Variants in FBN1 observed in about 807,000 individuals in gnomAD.
The protein encoded by FBN1 is fibrillin-1.
Under a neutral mutation model 365.1 loss-of-function variants are expected in FBN1, and 29 were observed. The observed-to-expected ratio is 0.08, with a 90% CI of 0.06 to 0.11. The LOEUF is 0.11. Ranked by LOEUF, FBN1 falls within the 10% of genes least tolerant of loss-of-function variation. The probability of loss-of-function intolerance (pLI) is 1.00; values close to 1 mark genes in which losing one functional copy is unlikely to be tolerated. For synonymous variants in FBN1, 1,210 were observed against 1,270.5 expected, an observed-to-expected ratio of 0.95 and a Z score of 1.01; for missense variants, 2,476 against 3,703.2, an observed-to-expected ratio of 0.67 and a Z score of 8.60.
intron 5 of FBN1, among the ~76,000 whole-genome samples, chr15:48,599,050 C>T (rs908400432): frequency 6.6e-6 from 1 of 152,188 alleles, no homozygotes; most frequent in Non-Finnish European, 1.5e-5. Flanking sequence ...GAAGCCTCCC[C>T]AGCCATGTGG....
At chr15:48,484,971 T>C (rs1262294749) in intron 30 of FBN1, among the ~76,000 whole-genome samples, 1 of 152,214 alleles carries the variant, frequency 6.6e-6, no homozygotes, top group East Asian at 1.9e-4. Context: ...TAGTTTCTGA[T>C]ACGGTAGATC....
chr15:48,437,611 C>A, intron 51 of FBN1, 157 bp downstream of exon 51: 2 of 910,070 alleles, frequency 2.2e-6, no homozygotes, highest in Admixed American at 2.3e-5. Flanking sequence ...AAAATAACTA[C>A]CAAGCTCCTG....
rs748551052 is a variant in FBN1 at position 48,470,734 on chromosome 15, C to T, written c.4359G>A (p.Pro1453=). The change falls in exon 36 of 66, where the codon CCG becomes CCA. Residue 1453 remains proline, a synonymous_variant. Transcript: ENST00000316623. ...GGCAAGTTCCAAAGACACAGATGTT[C>T]GGAAGGGAGCACTCATCAATATCTT... The part of the protein sequence containing the change: ...ACEDIDECSL[P]NICVFGTCHN... 21 of 1,613,622 alleles carry T rather than the reference C, an allele frequency of 1.3e-5. No homozygotes were observed. The highest frequency in any genetic ancestry group is 5.0e-5 in the Admixed American group (3 of 59,934).
At chr15:48,434,287 G>GAGAGTA (rs879908770) in intron 54 of FBN1, among the ~76,000 whole-genome samples, 2 of 152,174 alleles carry the variant, frequency 1.3e-5, no homozygotes, top group Non-Finnish European at 2.9e-5. Context: ...AGGAGAAAGT[G>GAGAGTA]AGAGTAAGAA....
At chr15:48,609,860 T>C (rs776830026) in intron 4 of FBN1, among the ~76,000 whole-genome samples, 55 of 152,362 alleles carry the variant, frequency 3.6e-4, no homozygotes, top group Admixed American at 1.6e-3. Context: ...CACACTCAAA[T>C]GTTCAGACTC....
chr15:48,502,092 T>C (rs1024605183), intron 17 of FBN1, among the ~76,000 whole-genome samples: 8 of 152,172 alleles, frequency 5.3e-5, no homozygotes, highest in African/African-American at 1.9e-4. Context: ...ACAGTGGTGC[T>C]ATCTTGGCTC....
Position 48,616,739 on chromosome 15 carries a change from C to T in FBN1, c.165-3647G>A, listed in dbSNP as rs184320667. On this transcript the variant is annotated intron_variant, in intron 2 of 65. Coordinates refer to ENST00000316623, the MANE Select transcript of FBN1 (RefSeq NM_000138.5). ...AACCCCCATCACTCCAACACACACA[C>T]ACAAAGTCGGATTTAAAGCTCTGTG... 5.3e-5 allele frequency among the ~76,000 whole-genome samples: 8 copies of T among 152,304 alleles called. No individual in the cohort carries two copies. The East Asian group carries it at 1.5e-3, about 29-fold the overall frequency.
intron 43 of FBN1, 91 bp downstream of exon 43, chr15:48,460,155 T>G: frequency 2.2e-6 from 2 of 900,444 alleles, no homozygotes. Flanking sequence ...TTAATATTTT[T>G]TTTCCTTTAA....
chr15:48,610,290 C>T (rs188980267), intron 4 of FBN1, among the ~76,000 whole-genome samples: 1 of 152,324 alleles, frequency 6.6e-6, no homozygotes, highest in Admixed American at 6.5e-5. Flanking sequence ...TGACTTCTTA[C>T]ATTTTCTTCT....
chr15:48,607,094 T>G (rs1252972451), intron 4 of FBN1, among the ~76,000 whole-genome samples: 1 of 152,096 alleles, frequency 6.6e-6, no homozygotes, highest in Non-Finnish European at 1.5e-5. Context: ...TTATCCAGTC[T>G]GTGGTATACT....
intron 32 of FBN1, among the ~76,000 whole-genome samples, chr15:48,475,009 A>AACTCCAT (rs201949071): frequency 0.016 from 2,461 of 152,258 alleles, 75 homozygotes; most frequent in African/African-American, 0.057. Context: ...TATTTTTAGT[A>AACTCCAT]AGTCAACTAT....
At chr15:48,453,962 A>T (rs2043221068) in intron 44 of FBN1, among the ~76,000 whole-genome samples, 1 of 152,236 alleles carries the variant, frequency 6.6e-6, no homozygotes, top group Admixed American at 6.5e-5. Context: ...ACATCTAAAA[A>T]AAAGTCATGA....
At chr15:48,489,549 A>G (rs2043538064) in intron 25 of FBN1, among the ~76,000 whole-genome samples, 1 of 152,168 alleles carries the variant, frequency 6.6e-6, no homozygotes, top group Non-Finnish European at 1.5e-5. Flanking sequence ...TCAGCAATGA[A>G]TTACCATAGC....
chr15:48,463,834 G>A (rs1346770433), intron 41 of FBN1, 65 bp downstream of exon 41: 1 of 1,529,906 alleles, frequency 6.5e-7, no homozygotes, highest in East Asian at 2.4e-5. Context: ...TGATGAACTT[G>A]TGAGCTCTCT....
chr15:48,473,586 C>T (rs2043394837), intron 34 of FBN1, among the ~76,000 whole-genome samples: 1 of 151,966 alleles, frequency 6.6e-6, no homozygotes, highest in Non-Finnish European at 1.5e-5. Context: ...TATATTATTG[C>T]AAAACTGGAA....
chr15:48,482,185 G>A (rs1375466213), intron 31 of FBN1, among the ~76,000 whole-genome samples: 1 of 152,166 alleles, frequency 6.6e-6, no homozygotes, highest in Non-Finnish European at 1.5e-5. Context: ...TTGTCTTAGT[G>A]TAAGTAGTTT....
chr15:48,411,055 T>C lies in FBN1; in HGVS notation c.8551A>G (p.Lys2851Glu), dbSNP rs371939796. The C allele has an allele frequency of 4.5e-5, 73 of 1,613,810 alleles. No individual in the cohort carries two copies. The highest frequency in any genetic ancestry group is 6.0e-5 in the Non-Finnish European group (71 of 1,179,968). ...ELNQLEDKYD[K>E]DYLSGELGDN... ...CCCAGTTCACCACTGAGGTAGTCTTTGTCATATTTGTCTTCTAGTTGGTTA... is the reference window on the plus strand; with the variant it reads ...CCCAGTTCACCACTGAGGTAGTCTTCGTCATATTTGTCTTCTAGTTGGTTA... The change falls in exon 66 of 66, where the codon AAA becomes GAA. Residue 2851 changes from lysine to glutamate, a missense_variant. This residue lies in a region of FBN1 where 177 missense variants were observed against 192.7 expected (regional missense o/e 0.92). Transcript: ENST00000316623.
chr15:48,617,298 C>A (rs1889676383), intron 2 of FBN1, among the ~76,000 whole-genome samples: 1 of 152,064 alleles, frequency 6.6e-6, no homozygotes, highest in African/African-American at 2.4e-5. Flanking sequence ...CCTCAGCCTC[C>A]TGAGTAGCTG....
At chr15:48,609,131 T>C (rs56337425) in intron 4 of FBN1, among the ~76,000 whole-genome samples, 4 of 152,364 alleles carry the variant, frequency 2.6e-5, no homozygotes, top group Non-Finnish European at 5.9e-5. Context: ...ATGTCCCGCA[T>C]GTTCCCAGAT....
Sources: gnomAD v4.1 joint callset for allele counts (sites outside exome capture counted in the v4.1 genomes callset) on GRCh38, gnomAD v4.1.1 for gene constraint, gnomAD v4.1.1 regional missense constraint, MANE v1.5 for transcripts, NCBI Gene and HGNC (gene_info 2026-07-23, HGNC 2026-07-21) for gene names.